Variants in TRMT9B observed in about 807,000 individuals in gnomAD.
TRMT9B encodes tRNA methyltransferase 9B (putative).
In TRMT9B, 16 loss-of-function variants were observed where a neutral mutation model predicts 11.5. The observed-to-expected ratio is 1.39, with a 90% CI of 0.94 to 2.11. The LOEUF (loss-of-function observed/expected upper bound fraction) is 2.11, where lower values mean the gene tolerates loss of function less well. Among genes scored for constraint, TRMT9B ranks in the 30% most tolerant of loss-of-function variants. The pLI, the probability that TRMT9B is intolerant of heterozygous loss-of-function variation, is 0.00. For missense variants in TRMT9B, 941 were observed against 553.8 expected (o/e 1.70, Z -7.02); for synonymous variants, 274 against 192.4 (o/e 1.42, Z -3.51).
intron 1 of TRMT9B, among the ~76,000 whole-genome samples, chr8:12,985,716 C>G (rs1210168618): frequency 6.6e-6 from 1 of 151,974 alleles, no homozygotes; most frequent in African/African-American, 2.4e-5. Flanking sequence ...TGGCTAGCCT[C>G]TCCTCTAATG....
Position 13,021,716 on chromosome 8 carries a change from G to A in TRMT9B, c.1037G>A (p.Gly346Glu), listed in dbSNP as rs1264659428. ...CAAGGGGAAATGAGGAGAAATGGAGGGGGAAATTTTCTGGATAGCACTAAT... is the reference window on the plus strand; with the variant it reads ...CAAGGGGAAATGAGGAGAAATGGAGAGGGAAATTTTCTGGATAGCACTAAT... ...DHQGEMRRNG[G>E]GNFLDSTNTG... The change falls in exon 5 of 5, where the codon GGG becomes GAG. Residue 346 changes from glycine to glutamate, a missense_variant. Coordinates refer to ENST00000524591, the MANE Select transcript of TRMT9B (RefSeq NM_020844.3). The A allele has an allele frequency of 6.2e-7, 1 of 1,613,776 alleles. No homozygotes were observed. Among genetic ancestry groups the A allele is most frequent in the Non-Finnish European group, 8.5e-7 (1 of 1,179,876 alleles).
chr8:13,012,752 C>T lies in TRMT9B; in HGVS notation c.223C>T (p.Pro75Ser), dbSNP rs1037048428. The T allele has an allele frequency of 6.2e-7, 1 of 1,613,908 alleles. No homozygotes were observed. Among genetic ancestry groups the T allele is most frequent in the Non-Finnish European group, 8.5e-7 (1 of 1,179,868 alleles). Residue 75 changes from proline (P) to serine (S), a missense_variant, in exon 4 of 5, where the codon CCA (proline) becomes TCA (serine). Pro to Ser is a moderately conservative substitution (Grantham distance 74, BLOSUM62 -1). Transcript: ENST00000524591. ...VHTVGCDYCG[P>S]LVEIARNRGC... ...TACCGTGGGCTGTGACTACTGTGGGCCACTGGTAGAGATTGCCCGGAATAG... is the reference window on the plus strand; with the variant it reads ...TACCGTGGGCTGTGACTACTGTGGGTCACTGGTAGAGATTGCCCGGAATAG...
chr8:12,989,447 G>C (rs1806941695), intron 1 of TRMT9B, among the ~76,000 whole-genome samples: 1 of 152,046 alleles, frequency 6.6e-6, no homozygotes, highest in Admixed American at 6.5e-5. Flanking sequence ...AGGTGTTTTG[G>C]GTGCCTGATT....
chr8:13,011,305 C>T (rs1032488593), intron 3 of TRMT9B: 3 of 985,176 alleles, frequency 3.0e-6, no homozygotes, highest in Non-Finnish European at 3.6e-6. Flanking sequence ...ATTTTTTATT[C>T]ATATATTCTC....
At chr8:13,013,209 GA>G (rs1440433345) in intron 4 of TRMT9B, among the ~76,000 whole-genome samples, 1 of 152,126 alleles carries the variant, frequency 6.6e-6, no homozygotes, top group Admixed American at 6.5e-5. Flanking sequence ...TAGATTTTTA[GA>G]AGTTATATTA....
rs1812376017 is a variant in TRMT9B, at chr8:13,015,083, A to AAATG, written c.328+2229_328+2230insGAAT. Among the ~76,000 whole-genome samples the AAATG allele has an allele frequency of 5.8e-5, 8 of 137,720 alleles. No individual in the cohort carries two copies. In the South Asian group the frequency reaches 1.8e-3, roughly 30 times the overall value. The allele number at this position is 137,720 out of a possible 152,430, so 90.3% of individuals were successfully genotyped here. ...GAAATAAATAAATAAATAAATAAAT[A>AAATG]AATAAATAAATAAATAAAATAAAAA... is the stretch of plus-strand genomic sequence containing the variant. On this transcript the variant is annotated intron_variant, in intron 4 of 4. Coordinates refer to ENST00000524591, the MANE Select transcript of TRMT9B (RefSeq NM_020844.3).
chr8:13,007,479 G>C (rs1484959820), intron 3 of TRMT9B: 2 of 152,156 alleles, frequency 1.3e-5, no homozygotes, highest in African/African-American at 2.4e-5. Context: ...TAGTTGCAAA[G>C]TGTGTCTAGT....
intron 4 of TRMT9B, among the ~76,000 whole-genome samples, chr8:13,013,441 A>T (rs1812034892): frequency 6.6e-6 from 1 of 152,176 alleles, no homozygotes. Context: ...TATCCTCCCA[A>T]CAAGTGTGAC....
chr8:13,011,302 A>T, intron 3 of TRMT9B: 1 of 985,216 alleles, frequency 1.0e-6, no homozygotes, highest in South Asian at 4.7e-5. Flanking sequence ...TTTATTTTTT[A>T]TTCATATATT....
intron 1 of TRMT9B, among the ~76,000 whole-genome samples, chr8:12,989,902 A>T (rs892585057): frequency 3.3e-5 from 5 of 152,190 alleles, no homozygotes; most frequent in Non-Finnish European, 7.3e-5. Flanking sequence ...TATGAGTGAG[A>T]TGTAGCTGGG....
At chr8:12,987,793 C>T (rs1806591592) in intron 1 of TRMT9B, among the ~76,000 whole-genome samples, 1 of 152,168 alleles carries the variant, frequency 6.6e-6, no homozygotes, top group South Asian at 2.1e-4. Flanking sequence ...TAGCCGACAG[C>T]TGGGCAAAAT....
chr8:13,014,618 GC>G, intron 4 of TRMT9B, among the ~76,000 whole-genome samples: 1 of 152,258 alleles, frequency 6.6e-6, no homozygotes, highest in East Asian at 1.9e-4. Context: ...GGGGGTTAGG[GC>G]TTCGACATGT....
At chr8:12,994,076 C>A (rs1807891041) in intron 2 of TRMT9B, among the ~76,000 whole-genome samples, 3 of 152,214 alleles carry the variant, frequency 2.0e-5, no homozygotes, top group Admixed American at 2.0e-4. Flanking sequence ...ACCCCACTGC[C>A]ACAGTCAATG....
chr8:12,950,308 G>A (rs191655122), intron 1 of TRMT9B, among the ~76,000 whole-genome samples: 2 of 152,264 alleles, frequency 1.3e-5, no homozygotes, highest in East Asian at 3.9e-4. Context: ...ATCACTGGAC[G>A]AGTATTTATC....
At chr8:12,989,362 A>T (rs1806919719) in intron 1 of TRMT9B, among the ~76,000 whole-genome samples, 1 of 152,236 alleles carries the variant, frequency 6.6e-6, no homozygotes, top group Admixed American at 6.5e-5. Flanking sequence ...AGAAGGTGAT[A>T]TGATTCATGC....
chr8:12,952,232 G>C (rs1343646949), intron 1 of TRMT9B: 1 of 444,170 alleles, frequency 2.3e-6, no homozygotes, highest in South Asian at 1.6e-5. Flanking sequence ...GGTCTGCATA[G>C]GGGAGCGGAG....
At chr8:12,951,932 T>C (rs1800674774) in intron 1 of TRMT9B, 1 of 152,418 alleles carries the variant, frequency 6.6e-6, no homozygotes, top group African/African-American at 2.4e-5. Context: ...AACTTCTCTT[T>C]GGAAGCCCCG....
chr8:13,009,270 G>A (rs1346050638), intron 3 of TRMT9B, among the ~76,000 whole-genome samples: 1 of 152,022 alleles, frequency 6.6e-6, no homozygotes, highest in East Asian at 1.9e-4. Context: ...GGTGGGGTAG[G>A]TGTAGGAAAT....
At chr8:13,002,864 C>G (rs562598763) in intron 2 of TRMT9B, among the ~76,000 whole-genome samples, 29 of 152,218 alleles carry the variant, frequency 1.9e-4, no homozygotes, top group Admixed American at 8.5e-4. Flanking sequence ...GGGACAGAGG[C>G]TGTCCAGGGA....
Sources: allele counts gnomAD v4.1 joint callset (sites outside exome capture counted in the v4.1 genomes callset), GRCh38; gene constraint gnomAD v4.1.1; transcripts MANE v1.5; gene names NCBI Gene and HGNC (gene_info 2026-07-23, HGNC 2026-07-21).